Variants in TESK2 observed in about 807,000 individuals in gnomAD.
TESK2 encodes the protein testis associated actin remodelling kinase 2.
In TESK2, 39 loss-of-function variants were observed where a neutral mutation model predicts 57.1. The ratio of observed to expected loss-of-function variants is 0.68; its 90% CI spans 0.53 to 0.89. The LOEUF is 0.89. Among genes scored for constraint, TESK2 ranks in the 40% least tolerant of loss-of-function variants. TESK2 has a pLI of 0.00. For missense variants in TESK2, 646 were observed against 732.1 expected (o/e 0.88, Z 1.36); for synonymous variants, 249 against 267.9 (o/e 0.93, Z 0.69).
At chr1:45,386,103 A>T in intron 3 of TESK2, 143 bp from the exon 4 acceptor site, 1 of 542,038 alleles carries the variant, frequency 1.8e-6, no homozygotes, top group Non-Finnish European at 3.3e-6. Context: ...CCCGCACTTT[A>T]GGAGGCAGAG....
At chr1:45,415,296 T>C (rs1302756727) in intron 3 of TESK2, 1 of 1,267,782 alleles carries the variant, frequency 7.9e-7, no homozygotes, top group Non-Finnish European at 1.1e-6. Flanking sequence ...GGTCTGGGAA[T>C]GGCAAGACCA....
At chr1:45,423,421 G>A (rs1303682634) in intron 2 of TESK2, among the ~76,000 whole-genome samples, 1 of 152,014 alleles carries the variant, frequency 6.6e-6, no homozygotes, top group Non-Finnish European at 1.5e-5. Context: ...GCTGGGCGTG[G>A]TGGCGGGCAC....
At chr1:45,402,333 A>G (rs1649659389) in intron 3 of TESK2, among the ~76,000 whole-genome samples, 1 of 151,088 alleles carries the variant, frequency 6.6e-6, no homozygotes. Flanking sequence ...TCAAGGCTAT[A>G]GTGAGCTATG....
chr1:45,355,226 T>A lies in TESK2; in HGVS notation c.540+77A>T, dbSNP rs1186646209. 4.6e-6 allele frequency: 7 copies of A among 1,506,146 alleles called. No homozygotes were observed. In the East Asian group the frequency reaches 1.6e-4, roughly 34 times the overall value. The allele number at this position is 1,506,146 out of a possible 1,614,324, so 93.3% of individuals were successfully genotyped here. On this transcript the variant is annotated intron_variant, in intron 5 of 10. Coordinates refer to ENST00000372086, the MANE Select transcript of TESK2 (RefSeq NM_007170.3). ...GAATTATGTCCTCTGTGATTAAATGTTAAATCTAACACAGCTTTCTTGGCA... is the reference window on the plus strand; with the variant it reads ...GAATTATGTCCTCTGTGATTAAATGATAAATCTAACACAGCTTTCTTGGCA...
In TESK2 at chr1:45,488,304, CAT is replaced by C. The variant is rs1445810130; in HGVS notation, c.-87+2546_-87+2547del. On this transcript the variant is annotated intron_variant, in intron 1 of 10. Coordinates refer to ENST00000372086, the MANE Select transcript of TESK2 (RefSeq NM_007170.3). Reference sequence around the variant, plus strand: ...CATAATACTCAAGTCAGAAACTCACCATAGTGTCTTCAGTCTCCAAACTGACT... The same window carrying C: ...CATAATACTCAAGTCAGAAACTCACCAGTGTCTTCAGTCTCCAAACTGACT... 6.6e-5 allele frequency among the ~76,000 whole-genome samples: 10 copies of C among 152,276 alleles called. No individual in the cohort carries two copies. The South Asian group carries it at 1.4e-3, about 22-fold the overall frequency.
chr1:45,472,739 A>C (rs192286158), intron 1 of TESK2, among the ~76,000 whole-genome samples: 1 of 152,194 alleles, frequency 6.6e-6, no homozygotes, highest in Non-Finnish European at 1.5e-5. Flanking sequence ...GATCTTACTG[A>C]GTTTAAGTTG....
chr1:45,447,054 C>T (rs888697903), intron 2 of TESK2, among the ~76,000 whole-genome samples: 4 of 152,008 alleles, frequency 2.6e-5, no homozygotes, highest in Admixed American at 6.6e-5. Context: ...CTCAACTCTA[C>T]AAATAATTTT....
At chr1:45,395,054 T>C (rs1325326758) in intron 3 of TESK2, among the ~76,000 whole-genome samples, 1 of 152,174 alleles carries the variant, frequency 6.6e-6, no homozygotes, top group Non-Finnish European at 1.5e-5. Context: ...ACTAGAGTCT[T>C]TTCTATAGCA....
intron 4 of TESK2, among the ~76,000 whole-genome samples, chr1:45,356,972 T>C (rs1160924166): frequency 6.6e-6 from 1 of 151,930 alleles, no homozygotes; most frequent in Non-Finnish European, 1.5e-5. Context: ...GGCGGGTGGA[T>C]CACCTGACAT....
At chr1:45,367,072 T>C (rs879684403) in intron 4 of TESK2, among the ~76,000 whole-genome samples, 3 of 152,136 alleles carry the variant, frequency 2.0e-5, no homozygotes, top group Admixed American at 2.0e-4. Flanking sequence ...AGGCAGAGGC[T>C]GCAGTGAGCC....
intron 4 of TESK2, among the ~76,000 whole-genome samples, chr1:45,375,995 C>T (rs1027918364): frequency 3.9e-5 from 6 of 152,054 alleles, no homozygotes; most frequent in Admixed American, 6.5e-5. Context: ...TCTCAAATGT[C>T]ACAGGGAGTT....
intron 9 of TESK2, among the ~76,000 whole-genome samples, chr1:45,346,401 C>T (rs1647144461): frequency 1.3e-5 from 2 of 152,218 alleles, no homozygotes; most frequent in South Asian, 4.1e-4. Context: ...CAGTTGGATC[C>T]ACAGTCCAAC....
rs968310143 is a variant in TESK2 at position 45,484,689 on chromosome 1, G to A, written c.-87+6163C>T. 7.1e-4 allele frequency among the ~76,000 whole-genome samples: 108 copies of A among 151,878 alleles called. 2 individuals are homozygous for A. The highest frequency in any genetic ancestry group is 2.5e-3 in the African/African-American group (103 of 41,440). On this transcript the variant is annotated intron_variant, in intron 1 of 10. Coordinates refer to ENST00000372086, the MANE Select transcript of TESK2 (RefSeq NM_007170.3). Reference sequence around the variant, plus strand: ...GGAAGTTGCAGAAAGCCGAGACTGCGCCACTGCACACCAGCCTGGGCGACA... The same window carrying A: ...GGAAGTTGCAGAAAGCCGAGACTGCACCACTGCACACCAGCCTGGGCGACA...
At chr1:45,424,490 T>C (rs1650606962) in intron 2 of TESK2, among the ~76,000 whole-genome samples, 1 of 152,232 alleles carries the variant, frequency 6.6e-6, no homozygotes, top group East Asian at 1.9e-4. Context: ...TCTTGACTGA[T>C]GAAAGAGAAG....
rs779178787 is a variant in TESK2, at chr1:45,347,691, A to G, written c.626T>C (p.Met209Thr). 1 of 1,614,142 alleles carries G rather than the reference A, an allele frequency of 6.2e-7. No homozygotes were observed. Among genetic ancestry groups the G allele is most frequent in the Non-Finnish European group, 8.5e-7 (1 of 1,179,984 alleles). ...CACCACGGCCAGCTTCTCACTCCCC[A>G]TGCTGTGGGGTGAGATTATACAGAA... ...GLAEKIPDVS[M>T]GSEKLAVVGS... is the part of the protein sequence containing the mutation. Residue 209 changes from methionine to threonine, a missense_variant and splice_region_variant, in exon 7 of 11, where the codon ATG becomes ACG. By Grantham distance (81) the Met-to-Thr change is moderately conservative (BLOSUM62 -1). Transcript: ENST00000372086.
At chr1:45,447,749 A>G (rs1440811413) in intron 2 of TESK2, among the ~76,000 whole-genome samples, 1 of 152,168 alleles carries the variant, frequency 6.6e-6, no homozygotes, top group African/African-American at 2.4e-5. Flanking sequence ...GATTATTAGC[A>G]CCTGCAATAC....
At chr1:45,436,512 G>A (rs1206180697) in intron 2 of TESK2, among the ~76,000 whole-genome samples, 5 of 91,424 alleles carry the variant, frequency 5.5e-5, no homozygotes, top group East Asian at 3.3e-4. Flanking sequence ...TTTTTGAGAC[G>A]GAGTTTCACT....
At chr1:45,357,196 CATAAATAAATAAATAAATAAATAA>C (rs59019267) in intron 4 of TESK2, among the ~76,000 whole-genome samples, 8 of 141,068 alleles carry the variant, frequency 5.7e-5, no homozygotes, top group African/African-American at 1.9e-4. Flanking sequence ...AACTCCATCT[CATAAATAAATAAATAAATAAATAA>C]ATAAATAAAT....
chr1:45,485,040 AAATT>A (rs1270221488), intron 1 of TESK2, among the ~76,000 whole-genome samples: 1 of 151,940 alleles, frequency 6.6e-6, no homozygotes, highest in Non-Finnish European at 1.5e-5. Context: ...CAAAATAAAT[AAATT>A]AATTAATTAA....
Sources: allele counts gnomAD v4.1 joint callset (sites outside exome capture counted in the v4.1 genomes callset), GRCh38; gene constraint gnomAD v4.1.1; transcripts MANE v1.5; gene names NCBI Gene and HGNC (gene_info 2026-07-23, HGNC 2026-07-21).